The following PDZRN3 variants were observed in gnomAD, a reference collection of about 807,000 sequenced individuals.
PDZRN3 encodes the protein E3 ubiquitin-protein ligase PDZRN3.
PDZRN3 carries 38 observed loss-of-function variants against 85.7 expected under a neutral mutation model. The ratio of observed to expected loss-of-function variants is 0.44; its 90% CI spans 0.34 to 0.58. PDZRN3 has a LOEUF of 0.58. Among genes scored for constraint, PDZRN3 ranks in the 20% least tolerant of loss-of-function variants. The pLI is 0.01. For synonymous variants in PDZRN3, 759 were observed against 638.0 expected (o/e 1.19, Z -2.86); for missense variants, 1,629 against 1,506.4 (o/e 1.08, Z -1.35).
intron 3 of PDZRN3, among the ~76,000 whole-genome samples, chr3:73,523,320 C>T (rs752146420): frequency 4.6e-5 from 7 of 152,034 alleles, no homozygotes; most frequent in African/African-American, 1.4e-4. Flanking sequence ...AGCCACCATA[C>T]GGGGCCAAAA....
intron 3 of PDZRN3, among the ~76,000 whole-genome samples, chr3:73,548,261 C>T (rs1701473730): frequency 6.6e-6 from 1 of 152,180 alleles, no homozygotes; most frequent in South Asian, 2.1e-4. Flanking sequence ...GTGGCTTTCT[C>T]TGATGATGTT....
chr3:73,581,032 A>C (rs143546988), intron 3 of PDZRN3, among the ~76,000 whole-genome samples: 1,639 of 152,280 alleles, frequency 0.011, 35 homozygotes, highest in African/African-American at 0.037. Context: ...CTTTTTGGGG[A>C]GGAGGGATAC....
At chr3:73,519,448 TGAGA>T (rs981747089) in intron 3 of PDZRN3, among the ~76,000 whole-genome samples, 1 of 152,172 alleles carries the variant, frequency 6.6e-6, no homozygotes, top group African/African-American at 2.4e-5. Context: ...GGGGCAAAGA[TGAGA>T]GAAAGAAGGA....
Position 73,389,837 on chromosome 3 carries a change from T to G in PDZRN3, c.1395A>C (p.Arg465=), listed in dbSNP as rs763443690. 4 of 1,613,832 alleles carry G rather than the reference T, an allele frequency of 2.5e-6. No homozygotes were observed. The South Asian group carries it at 4.4e-5, about 18-fold the overall frequency. ...TTACCTGGATAATGCGGTCTCCTTC[T>G]CGGATGCGCCCATCCTTGGCTGCAA... ...NSIAAKDGRI[R]EGDRIIQING... is the part of the protein sequence containing the mutation. The change falls in exon 7 of 10, where the codon CGA becomes CGC. Residue 465 remains arginine (R), a synonymous_variant. Transcript: ENST00000263666.
At chr3:73,385,627 C>T in intron 9 of PDZRN3, 42 bp downstream of exon 9, 1 of 1,216,708 alleles carries the variant, frequency 8.2e-7, no homozygotes, top group South Asian at 1.2e-5. Flanking sequence ...TTTCCTCCAG[C>T]TCAGCAGGGC....
intron 5 of PDZRN3, among the ~76,000 whole-genome samples, chr3:73,400,145 T>C (rs74498205): frequency 6.6e-6 from 1 of 152,220 alleles, no homozygotes; most frequent in East Asian, 1.9e-4. Flanking sequence ...CAACATCAGG[T>C]GTCTTTTTAC....
intron 1 of PDZRN3, among the ~76,000 whole-genome samples, chr3:73,613,635 A>C (rs953671768): frequency 6.6e-6 from 1 of 152,128 alleles, no homozygotes; most frequent in African/African-American, 2.4e-5. Context: ...GGCAGCTTTC[A>C]CAGAGTTGCC....
chr3:73,443,498 T>TTTTGGG (rs57581231), intron 3 of PDZRN3, among the ~76,000 whole-genome samples: 64 of 128,872 alleles, frequency 5.0e-4, no homozygotes, highest in African/African-American at 1.7e-3. Flanking sequence ...TTTTTTTTTT[T>TTTTGGG]GGGGGGGGGA....
At chr3:73,417,354 A>G (rs966078507) in intron 3 of PDZRN3, among the ~76,000 whole-genome samples, 1 of 152,222 alleles carries the variant, frequency 6.6e-6, no homozygotes, top group Admixed American at 6.5e-5. Context: ...CTTGCTGCTC[A>G]GGCTTTCTTA....
chr3:73,401,177 C>T lies in PDZRN3; in HGVS notation c.1167-168G>A, dbSNP rs1474646454. 7.0e-6 allele frequency: 4 copies of T among 571,232 alleles called. No homozygotes were observed. In the East Asian group the frequency reaches 1.2e-4, roughly 17 times the overall value. The allele number at this position is 571,232 out of a possible 1,614,324, so 35.4% of individuals were successfully genotyped here. ...TCAGCACGGTCAGGACCTCCATCAT[C>T]CTAATTTTACCATTTGCCTTTAGTA... is the stretch of plus-strand genomic sequence containing the variant. On this transcript the variant is annotated intron_variant, in intron 4 of 9. Coordinates refer to ENST00000263666, the MANE Select transcript of PDZRN3 (RefSeq NM_015009.3).
chr3:73,512,524 GT>G (rs534292184), intron 3 of PDZRN3, among the ~76,000 whole-genome samples: 4,530 of 151,006 alleles, frequency 0.03, 92 homozygotes, highest in Non-Finnish European at 0.044. Context: ...AATTTTAGTT[GT>G]TTTTTTTCTT....
intron 3 of PDZRN3, among the ~76,000 whole-genome samples, chr3:73,572,410 C>T (rs1702057647): frequency 6.6e-6 from 1 of 151,342 alleles, no homozygotes; most frequent in South Asian, 2.1e-4. Context: ...ATAAAAAAGT[C>T]CTGGATCGAT....
intron 3 of PDZRN3, among the ~76,000 whole-genome samples, chr3:73,447,113 A>G (rs928852167): frequency 2.7e-5 from 4 of 149,426 alleles, no homozygotes; most frequent in African/African-American, 9.7e-5. Flanking sequence ...TCTAATATAT[A>G]TAATTTTGCA....
At chr3:73,578,392 G>A (rs956105717) in intron 3 of PDZRN3, among the ~76,000 whole-genome samples, 1 of 151,970 alleles carries the variant, frequency 6.6e-6, no homozygotes, top group Non-Finnish European at 1.5e-5. Context: ...GGATGGTCTC[G>A]ATCTCCTGAC....
At chr3:73,606,181 T>C (rs1156648197) in intron 2 of PDZRN3, among the ~76,000 whole-genome samples, 1 of 152,258 alleles carries the variant, frequency 6.6e-6, no homozygotes, top group Admixed American at 6.5e-5. Flanking sequence ...TGGGTTCTTT[T>C]GTTTGCTATA....
chr3:73,602,334 A>T lies in PDZRN3; in HGVS notation c.918+20T>A. The T allele has an allele frequency of 1.6e-6, 2 of 1,263,384 alleles. No homozygotes were observed. The highest frequency in any genetic ancestry group is 2.3e-6 in the Non-Finnish European group (2 of 861,622). 78.3% of individuals were successfully genotyped at this position (1,263,384 alleles called of 1,614,324 possible). ...GATGGCATTCAGCCTATTCAAAGAC[A>T]CTGGCCAGTATTCACATACCTCAAT... On this transcript the variant is annotated intron_variant, in intron 3 of 9. Coordinates refer to ENST00000263666, the MANE Select transcript of PDZRN3 (RefSeq NM_015009.3).
At chr3:73,541,632 T>C (rs1704923582) in intron 3 of PDZRN3, among the ~76,000 whole-genome samples, 1 of 152,218 alleles carries the variant, frequency 6.6e-6, no homozygotes. Context: ...CTACATTATA[T>C]ATGTGATATA....
intron 3 of PDZRN3, among the ~76,000 whole-genome samples, chr3:73,463,441 T>C (rs1046419629): frequency 6.6e-6 from 1 of 152,222 alleles, no homozygotes; most frequent in Non-Finnish European, 1.5e-5. Flanking sequence ...GAAAACTCCA[T>C]ATGTATACAT....
At chr3:73,558,210 G>A (rs1341631463) in intron 3 of PDZRN3, among the ~76,000 whole-genome samples, 2 of 84,636 alleles carry the variant, frequency 2.4e-5, no homozygotes, top group Admixed American at 3.1e-4. Context: ...AGGGAAAGCT[G>A]CTTGGGTATG....
Sources: gnomAD v4.1 joint callset for allele counts (sites outside exome capture counted in the v4.1 genomes callset) on GRCh38, gnomAD v4.1.1 for gene constraint, MANE v1.5 for transcripts, NCBI Gene and HGNC (gene_info 2026-07-23, HGNC 2026-07-21) for gene names.